The following FOXN3 variants were observed in gnomAD, a reference collection of about 807,000 sequenced individuals.
The protein encoded by FOXN3 is forkhead box protein N3.
FOXN3 carries 7 observed loss-of-function variants against 38.4 expected under a neutral mutation model. The ratio of observed to expected loss-of-function variants is 0.18; its 90% CI spans 0.10 to 0.34. FOXN3 has a LOEUF of 0.34. FOXN3 is among the 10% of genes least tolerant of loss of function. The pLI, the probability that FOXN3 is intolerant of heterozygous loss-of-function variation, is 1.00. For missense variants in FOXN3, 456 were observed against 613.4 expected (o/e 0.74, Z 2.71); for synonymous variants, 230 against 242.2 (o/e 0.95, Z 0.47).
chr14:89,537,566 T>A (rs1033601886), intron 1 of FOXN3, among the ~76,000 whole-genome samples: 1 of 152,194 alleles, frequency 6.6e-6, no homozygotes, highest in Non-Finnish European at 1.5e-5. Flanking sequence ...AAGGATGGCC[T>A]GTCCAAAGCC....
At chr14:89,322,500 A>G (rs1475287728) in intron 3 of FOXN3, among the ~76,000 whole-genome samples, 2 of 152,148 alleles carry the variant, frequency 1.3e-5, no homozygotes, top group Non-Finnish European at 2.9e-5. Context: ...TGCTTGGGCC[A>G]CACAAGGACA....
rs980899332 is a variant in FOXN3 at position 89,156,385 on chromosome 14, G to A, written c.*6029C>T. ...CCAAGTCCCTAGAGTTCGGCTGATC[G>A]CGCCTGCCTCCACACTGTTTCTTTA... is the stretch of plus-strand genomic sequence containing the variant. On this transcript the variant is annotated 3_prime_UTR_variant, in exon 6 of 6. Transcript: ENST00000557258. 2 of 152,612 alleles carry A rather than the reference G, an allele frequency of 1.3e-5. No individual in the cohort carries two copies. The highest frequency in any genetic ancestry group is 2.1e-4 in the South Asian group (1 of 4,830). 9.5% of individuals were successfully genotyped at this position (152,612 alleles called of 1,614,324 possible). A position where few individuals can be genotyped will look rare whatever the true frequency, so the allele number is the denominator to read the frequency against.
In FOXN3 at chr14:89,470,641, G is replaced by A. The variant is rs534197242; in HGVS notation, c.-14-58151C>T. Among the ~76,000 whole-genome samples, 23 of 152,146 alleles carry A rather than the reference G, an allele frequency of 1.5e-4. 1 individual carries two copies. The highest frequency in any genetic ancestry group is 8.3e-4 in the South Asian group (4 of 4,818). On this transcript the variant is annotated intron_variant, in intron 1 of 6. Transcript: ENST00000345097. ...TATATTCCAGATAGCTGAATTTGCT[G>A]GCAAAGTAAACATCTCTTATGTGGA... is the stretch of plus-strand genomic sequence containing the variant.
chr14:89,603,047 C>T (rs911673972), intron 1 of FOXN3, among the ~76,000 whole-genome samples: 5 of 152,098 alleles, frequency 3.3e-5, no homozygotes, highest in African/African-American at 1.2e-4. Context: ...TGGGCAAACA[C>T]CTAGACCACC....
At chr14:89,254,852 A>T (rs1596134264) in intron 4 of FOXN3, among the ~76,000 whole-genome samples, 1 of 151,990 alleles carries the variant, frequency 6.6e-6, no homozygotes, top group Non-Finnish European at 1.5e-5. Flanking sequence ...CTCTGACCAC[A>T]CCTTTGCCAC....
intron 1 of FOXN3, among the ~76,000 whole-genome samples, chr14:89,561,247 T>C (rs1895243419): frequency 6.6e-6 from 1 of 152,236 alleles, no homozygotes; most frequent in South Asian, 2.1e-4. Flanking sequence ...AGTTTCACTC[T>C]TGTTGCCCAG....
chr14:89,582,820 T>C (rs1270365154), intron 1 of FOXN3, among the ~76,000 whole-genome samples: 1 of 152,232 alleles, frequency 6.6e-6, no homozygotes, highest in African/African-American at 2.4e-5. Context: ...CTTTCTGTCC[T>C]TATAGATGAG....
At chr14:89,392,807 A>ATT (rs35499441) in intron 2 of FOXN3, among the ~76,000 whole-genome samples, 4,692 of 133,862 alleles carry the variant, frequency 0.035, 146 homozygotes, top group African/African-American at 0.064. Context: ...CGCCCAGCTA[A>ATT]TTTTTTTTTT....
chr14:89,360,650 C>A (rs1596216111), intron 2 of FOXN3, among the ~76,000 whole-genome samples: 1 of 151,658 alleles, frequency 6.6e-6, no homozygotes, highest in African/African-American at 2.4e-5. Flanking sequence ...GAGCTGATAC[C>A]CTCACAGCCG....
chr14:89,430,214 T>C (rs1187009234), intron 1 of FOXN3, among the ~76,000 whole-genome samples: 1 of 152,204 alleles, frequency 6.6e-6, no homozygotes, highest in Non-Finnish European at 1.5e-5. Context: ...AAAATAAAAG[T>C]ACAAAGCTTT....
intron 1 of FOXN3, among the ~76,000 whole-genome samples, chr14:89,521,871 G>C (rs1053697860): frequency 5.3e-5 from 8 of 151,996 alleles, no homozygotes; most frequent in Non-Finnish European, 8.8e-5. Flanking sequence ...AAACAAATTA[G>C]CTGGGCATGG....
chr14:89,167,788 G>C (rs1447711318), intron 5 of FOXN3, among the ~76,000 whole-genome samples: 1 of 152,196 alleles, frequency 6.6e-6, no homozygotes, highest in Non-Finnish European at 1.5e-5. Flanking sequence ...CCTGCAGTGT[G>C]AGCAATCAGG....
chr14:89,226,218 GGAGAGGTAGAGA>G (rs1272467997), intron 4 of FOXN3, among the ~76,000 whole-genome samples: 1 of 151,482 alleles, frequency 6.6e-6, no homozygotes, highest in Non-Finnish European at 1.5e-5. Context: ...AAAAGGAGAG[GGAGAGGTAGAGA>G]GAGAGAAAGG....
At chr14:89,224,960 C>T (rs1156357070) in intron 4 of FOXN3, among the ~76,000 whole-genome samples, 1 of 151,350 alleles carries the variant, frequency 6.6e-6, no homozygotes, top group African/African-American at 2.4e-5. Context: ...GAAACCCCAT[C>T]GCTGCTAAAA....
intron 3 of FOXN3, among the ~76,000 whole-genome samples, chr14:89,318,757 G>A (rs1887808619): frequency 6.6e-6 from 1 of 152,232 alleles, no homozygotes; most frequent in Non-Finnish European, 1.5e-5. Flanking sequence ...GTGCGCAGCA[G>A]TGACTGGTGG....
intron 1 of FOXN3, among the ~76,000 whole-genome samples, chr14:89,504,470 G>A (rs1893868273): frequency 6.6e-6 from 1 of 152,208 alleles, no homozygotes; most frequent in Non-Finnish European, 1.5e-5. Context: ...GATCCATACT[G>A]GCAATAATTC....
intron 4 of FOXN3, among the ~76,000 whole-genome samples, chr14:89,247,727 G>A (rs1013929855): frequency 1.2e-4 from 19 of 152,180 alleles, no homozygotes; most frequent in African/African-American, 4.3e-4. Context: ...ACCCTGCAGA[G>A]TCATCTTTAT....
chr14:89,222,552 C>A (rs915492561), intron 4 of FOXN3, among the ~76,000 whole-genome samples: 11 of 152,120 alleles, frequency 7.2e-5, no homozygotes, highest in African/African-American at 2.7e-4. Flanking sequence ...TATTTTGTGG[C>A]CTCATTTACA....
intron 4 of FOXN3, among the ~76,000 whole-genome samples, chr14:89,195,295 C>G (rs1409352747): frequency 6.6e-6 from 1 of 152,156 alleles, no homozygotes; most frequent in Admixed American, 6.5e-5. Context: ...TCCTGTGCCT[C>G]TCTCTGGGGC....
Sources: gnomAD v4.1 joint callset for allele counts (sites outside exome capture counted in the v4.1 genomes callset) on GRCh38, gnomAD v4.1.1 for gene constraint, MANE v1.5 for transcripts, NCBI Gene and HGNC (gene_info 2026-07-23, HGNC 2026-07-21) for gene names.